SLC35F4: variants seen among roughly 807,000 people sequenced by gnomAD.
The protein encoded by SLC35F4 is chromosome 14 open reading frame 36.
SLC35F4 carries 24 observed loss-of-function variants against 44.2 expected under a neutral mutation model. The ratio of observed to expected loss-of-function variants is 0.54; its 90% CI spans 0.39 to 0.76. The LOEUF (loss-of-function observed/expected upper bound fraction) is 0.76. Ranked by LOEUF, SLC35F4 falls within the 30% of genes least tolerant of loss-of-function variation. The pLI is 0.00. For synonymous variants in SLC35F4, 238 were observed against 223.6 expected, an observed-to-expected ratio of 1.06 and a Z score of -0.57; for missense variants, 562 against 586.1, an observed-to-expected ratio of 0.96 and a Z score of 0.42.
chr14:57,715,247 G>A (rs1010839104), intron 1 of SLC35F4, among the ~76,000 whole-genome samples: 2 of 152,110 alleles, frequency 1.3e-5, no homozygotes, highest in African/African-American at 2.4e-5. Flanking sequence ...GAGGAAGAAA[G>A]AGGGCCAGCA....
At chr14:57,803,546 C>G (rs886085849) in intron 1 of SLC35F4, among the ~76,000 whole-genome samples, 1 of 146,998 alleles carries the variant, frequency 6.8e-6, no homozygotes, top group Non-Finnish European at 1.5e-5. Flanking sequence ...GATCCTATAT[C>G]TAGAAAACCC....
intron 1 of SLC35F4, among the ~76,000 whole-genome samples, chr14:57,836,418 G>T (rs1381321535): frequency 6.6e-6 from 1 of 151,874 alleles, no homozygotes; most frequent in African/African-American, 2.4e-5. Flanking sequence ...TCAGCCTCCC[G>T]AGTAGCTGGG....
chr14:57,961,412 G>A (rs192534655), intron 1 of SLC35F4, among the ~76,000 whole-genome samples: 45 of 152,226 alleles, frequency 3.0e-4, no homozygotes, highest in African/African-American at 9.6e-4. Flanking sequence ...GGAGAGTCCT[G>A]AAGTTAACTG....
At chr14:57,789,208 G>A (rs1018524910) in intron 1 of SLC35F4, among the ~76,000 whole-genome samples, 1 of 152,114 alleles carries the variant, frequency 6.6e-6, no homozygotes, top group South Asian at 2.1e-4. Context: ...AATGAATCCA[G>A]GAGCTGGTTT....
At chr14:57,692,815 G>GTATA (rs1298148908) in intron 1 of SLC35F4, among the ~76,000 whole-genome samples, 2 of 151,808 alleles carry the variant, frequency 1.3e-5, no homozygotes, top group Middle Eastern at 3.2e-3. Context: ...CAGGCCTGTA[G>GTATA]TATACAGCAG....
intron 1 of SLC35F4, among the ~76,000 whole-genome samples, chr14:57,704,098 T>G (rs34640085): frequency 0.38 from 58,342 of 152,076 alleles, 11,283 homozygotes; most frequent in Middle Eastern, 0.42. Context: ...GACTTAGAAC[T>G]AGAGAGTTCA....
intron 1 of SLC35F4, among the ~76,000 whole-genome samples, chr14:57,715,138 T>G (rs1258552859): frequency 6.6e-6 from 1 of 152,036 alleles, no homozygotes; most frequent in Non-Finnish European, 1.5e-5. Context: ...ACTGAATGTC[T>G]AGATAACCCA....
At chr14:57,755,148 G>C (rs1354160971) in intron 1 of SLC35F4, among the ~76,000 whole-genome samples, 1 of 152,224 alleles carries the variant, frequency 6.6e-6, no homozygotes, top group African/African-American at 2.4e-5. Context: ...AAAGCCTTCA[G>C]TGAACCCAAT....
In SLC35F4 at chr14:57,609,869, G is replaced by A. The variant is rs1301062706; in HGVS notation, c.104-15745C>T. 2.6e-5 allele frequency among the ~76,000 whole-genome samples: 4 copies of A among 152,148 alleles called. No individual in the cohort carries two copies. In the East Asian group the frequency reaches 7.7e-4, roughly 29 times the overall value. On this transcript the variant is annotated intron_variant, in intron 1 of 7. Coordinates refer to ENST00000556826, the MANE Select transcript of SLC35F4 (RefSeq NM_001306087.2). The stretch of plus-strand genomic sequence containing the variant: ...CGCTTCCCCACATTAGGCCCTTGCT[G>A]GCTATTTCGTGGATGACTGGCTGCC...
At chr14:57,866,612 C>G (rs1888167601), upstream of SLC35F4, among the ~76,000 whole-genome samples, 1 of 152,184 alleles carries the variant, frequency 6.6e-6, no homozygotes, top group Non-Finnish European at 1.5e-5. Flanking sequence ...TACGGACCCT[C>G]CATCCTGCCA....
At chr14:57,952,939 A>G (rs1890167204) in intron 1 of SLC35F4, among the ~76,000 whole-genome samples, 6 of 152,260 alleles carry the variant, frequency 3.9e-5, no homozygotes, top group Admixed American at 3.9e-4. Flanking sequence ...TACAGAGAAC[A>G]CCACAGAGAT....
intron 1 of SLC35F4, among the ~76,000 whole-genome samples, chr14:57,966,621 T>C (rs1890444206): frequency 6.6e-6 from 1 of 152,122 alleles, no homozygotes; most frequent in Admixed American, 6.5e-5. Context: ...TCTTAGAAAT[T>C]AAAAATCTGA....
intron 4 of SLC35F4, chr14:57,580,596 C>T: frequency 3.3e-6 from 1 of 299,326 alleles, no homozygotes. Flanking sequence ...CATATTACTC[C>T]TGAAAGGAAT....
At chr14:57,955,366 C>A (rs147637797) in intron 1 of SLC35F4, among the ~76,000 whole-genome samples, 4,418 of 152,220 alleles carry the variant, frequency 0.029, 104 homozygotes, top group Non-Finnish European at 0.038. Flanking sequence ...GGAAGCATTC[C>A]CTCTGAAAAC....
At chr14:57,592,781 CT>C (rs1346400672) in intron 2 of SLC35F4, among the ~76,000 whole-genome samples, 1 of 152,168 alleles carries the variant, frequency 6.6e-6, no homozygotes, top group Non-Finnish European at 1.5e-5. Context: ...TCCCCCACCC[CT>C]AATTGAATCC....
intron 1 of SLC35F4, among the ~76,000 whole-genome samples, chr14:57,632,710 T>C (rs1224860313): frequency 6.6e-6 from 1 of 151,952 alleles, no homozygotes; most frequent in Non-Finnish European, 1.5e-5. Context: ...CTTCTATGGG[T>C]TTTTTGTTTT....
chr14:57,950,825 C>T (rs368845265), intron 1 of SLC35F4, among the ~76,000 whole-genome samples: 115 of 152,118 alleles, frequency 7.6e-4, no homozygotes, highest in Admixed American at 1.4e-3. Flanking sequence ...CCTGCCACCA[C>T]GCCAGGCTAA....
At chr14:57,924,967 G>C (rs963270588) in intron 1 of SLC35F4, among the ~76,000 whole-genome samples, 7 of 151,834 alleles carry the variant, frequency 4.6e-5, no homozygotes, top group Admixed American at 3.9e-4. Context: ...TGTTGCCCCG[G>C]CTGGTCTTGA....
downstream of SLC35F4, among the ~76,000 whole-genome samples, chr14:57,973,160 C>A (rs1222567974): frequency 3.3e-5 from 5 of 152,186 alleles, no homozygotes; most frequent in South Asian, 2.1e-4. Flanking sequence ...TCCTTGATGC[C>A]CACAGCTTCT....
Sources: gnomAD v4.1 joint callset for allele counts (sites outside exome capture counted in the v4.1 genomes callset) on GRCh38, gnomAD v4.1.1 for gene constraint, MANE v1.5 for transcripts, NCBI Gene and HGNC (gene_info 2026-07-23, HGNC 2026-07-21) for gene names.